Variants in NAV2 observed in about 807,000 individuals in gnomAD.
The protein encoded by NAV2 is neuron navigator 2.
Under a neutral mutation model 223.2 loss-of-function variants are expected in NAV2, and 54 were observed. That is an observed-to-expected ratio of 0.24 (90% CI 0.19 to 0.30). The LOEUF is 0.30. Among genes scored for constraint, NAV2 ranks in the 10% least tolerant of loss-of-function variants. The pLI is 1.00. For synonymous variants in NAV2, 1,279 were observed against 1,239.3 expected, an observed-to-expected ratio of 1.03 and a Z score of -0.67; for missense variants, 2,806 against 3,147.5, an observed-to-expected ratio of 0.89 and a Z score of 2.60.
intron 1 of NAV2, among the ~76,000 whole-genome samples, chr11:19,579,323 A>G (rs2135000912): frequency 6.6e-6 from 1 of 152,348 alleles, no homozygotes; most frequent in African/African-American, 2.4e-5. Flanking sequence ...TTCCTGGCAA[A>G]TATTAAGGAT....
intron 1 of NAV2, among the ~76,000 whole-genome samples, chr11:19,404,244 A>G (rs1171410492): frequency 1.3e-5 from 2 of 152,214 alleles, no homozygotes; most frequent in Admixed American, 6.5e-5. Context: ...CGATGTGATC[A>G]CATTGTATTT....
At chr11:19,878,129 G>C (rs2062970244) in intron 4 of NAV2, among the ~76,000 whole-genome samples, 1 of 152,162 alleles carries the variant, frequency 6.6e-6, no homozygotes, top group East Asian at 1.9e-4. Context: ...TTTGCATCCT[G>C]ACTTGTCCAC....
Position 19,624,960 on chromosome 11 carries a change from T to C in NAV2, c.76-207524T>C, listed in dbSNP as rs117959377. On this transcript the variant is annotated intron_variant, in intron 1 of 37. Coordinates refer to the NAV2 transcript ENST00000360655. Reference sequence around the variant, plus strand: ...TTAATTGACAAATAATAATTGTACATACTCATGAAGTACATAGTGATGTTT... The same window carrying C: ...TTAATTGACAAATAATAATTGTACACACTCATGAAGTACATAGTGATGTTT... Among the ~76,000 whole-genome samples the C allele has an allele frequency of 7.5e-3, 1,150 of 152,352 alleles. 16 individuals are homozygous for C. Among genetic ancestry groups the C allele is most frequent in the Middle Eastern group, 0.01 (3 of 294 alleles).
intron 26 of NAV2, among the ~76,000 whole-genome samples, chr11:20,084,890 C>G (rs1205152165): frequency 3.3e-5 from 5 of 152,056 alleles, no homozygotes; most frequent in Middle Eastern, 3.4e-3. Context: ...CTGAAGAGAC[C>G]AAAAAGGGGT....
intron 1 of NAV2, among the ~76,000 whole-genome samples, chr11:19,373,516 T>C (rs1305315410): frequency 6.6e-6 from 1 of 152,194 alleles, no homozygotes; most frequent in East Asian, 1.9e-4. Context: ...GCTGTATCAC[T>C]CTTCCTTCAG....
intron 1 of NAV2, among the ~76,000 whole-genome samples, chr11:19,449,649 G>A (rs1851718553): frequency 6.6e-6 from 1 of 152,012 alleles, no homozygotes; most frequent in South Asian, 2.1e-4. Flanking sequence ...GCACGGGGTG[G>A]GGTGCTTTTG....
chr11:19,822,340 G>A (rs939816247), intron 1 of NAV2, among the ~76,000 whole-genome samples: 4 of 152,202 alleles, frequency 2.6e-5, no homozygotes, highest in South Asian at 2.1e-4. Flanking sequence ...TGATTTCACC[G>A]TAGACATTTG....
chr11:19,558,504 A>C (rs7113374), intron 1 of NAV2, among the ~76,000 whole-genome samples: 14,310 of 152,294 alleles, frequency 0.094, 2,252 homozygotes, highest in African/African-American at 0.33. Context: ...GCCAACAAAC[A>C]AGACATGGGT....
intron 11 of NAV2, chr11:20,027,441 C>T (rs1211506495): frequency 1.0e-6 from 1 of 985,506 alleles, no homozygotes; most frequent in Non-Finnish European, 1.2e-6. Flanking sequence ...TGCCTTGATT[C>T]TGGAGCAGAA....
intron 1 of NAV2, among the ~76,000 whole-genome samples, chr11:19,805,225 T>A (rs2058489474): frequency 1.3e-5 from 2 of 152,238 alleles, no homozygotes; most frequent in Non-Finnish European, 2.9e-5. Context: ...GGGTGATGGC[T>A]GATTCAGCAA....
chr11:19,783,103 G>T (rs1419374485), intron 1 of NAV2, among the ~76,000 whole-genome samples: 1 of 152,214 alleles, frequency 6.6e-6, no homozygotes, highest in African/African-American at 2.4e-5. Context: ...ATCAGCTCCA[G>T]TATGTTTACT....
chr11:19,366,207 T>A (rs1848273891), intron 1 of NAV2, among the ~76,000 whole-genome samples: 1 of 152,182 alleles, frequency 6.6e-6, no homozygotes, highest in Admixed American at 6.5e-5. Flanking sequence ...GGGGTCAGGT[T>A]ACCAGTAAGC....
chr11:19,907,795 T>C (rs1035670020), intron 6 of NAV2, among the ~76,000 whole-genome samples: 1 of 152,196 alleles, frequency 6.6e-6, no homozygotes, highest in African/African-American at 2.4e-5. Context: ...CTGAATATGA[T>C]TTTATTTTTC....
At chr11:19,465,229 A>G (rs1014316147) in intron 1 of NAV2, among the ~76,000 whole-genome samples, 9 of 152,124 alleles carry the variant, frequency 5.9e-5, no homozygotes, top group South Asian at 2.1e-4. Context: ...GTCGGCGTGG[A>G]TGGGAAGGGT....
intron 4 of NAV2, among the ~76,000 whole-genome samples, chr11:19,877,470 C>CTTTTTTTTTTTTTTCTTTTTTTTTTTTT (rs1555114909): frequency 8.5e-5 from 7 of 82,618 alleles, no homozygotes; most frequent in Admixed American, 1.1e-4. Flanking sequence ...TATCTTCATT[C>CTTTTTTTTTTTTTTCTTTTTTTTTTTTT]TTTTTTTTTT....
chr11:20,097,990 T>G (rs1424635183), intron 31 of NAV2, among the ~76,000 whole-genome samples: 3 of 152,202 alleles, frequency 2.0e-5, no homozygotes, highest in Non-Finnish European at 2.9e-5. Flanking sequence ...GCCTTATGAC[T>G]CTGAGATGAT....
intron 6 of NAV2, among the ~76,000 whole-genome samples, chr11:19,893,648 A>G (rs1478556943): frequency 6.6e-6 from 1 of 152,202 alleles, no homozygotes; most frequent in East Asian, 1.9e-4. Context: ...AAGGAAATGT[A>G]TACAGGGCTG....
At chr11:19,753,771 T>C (rs2054027546) in intron 1 of NAV2, among the ~76,000 whole-genome samples, 1 of 152,220 alleles carries the variant, frequency 6.6e-6, no homozygotes, top group Non-Finnish European at 1.5e-5. Flanking sequence ...AATAGGCAAA[T>C]TGAATTATTT....
chr11:19,624,356 C>T (rs2047099528), intron 1 of NAV2, among the ~76,000 whole-genome samples: 1 of 152,188 alleles, frequency 6.6e-6, no homozygotes, highest in South Asian at 2.1e-4. Context: ...CTATGCCCTG[C>T]CCCCAGAGGT....
Sources: gnomAD v4.1 joint callset for allele counts (sites outside exome capture counted in the v4.1 genomes callset) on GRCh38, gnomAD v4.1.1 for gene constraint, MANE v1.5 for transcripts, NCBI Gene and HGNC (gene_info 2026-07-23, HGNC 2026-07-21) for gene names.